Variants in ADD2 observed in about 807,000 individuals in gnomAD.
The protein encoded by ADD2 is adducin 2.
ADD2 carries 23 observed loss-of-function variants against 83.0 expected under a neutral mutation model. The observed-to-expected ratio is 0.28, with a 90% CI of 0.20 to 0.39. The LOEUF is 0.39. Among genes scored for constraint, ADD2 ranks in the 10% least tolerant of loss-of-function variants. The pLI is 1.00. For synonymous variants in ADD2, 375 were observed against 375.4 expected (o/e 1.00, Z 0.01); for missense variants, 758 against 944.9 (o/e 0.80, Z 2.59).
At chr2:70,679,729 C>T (rs145107951) in intron 10 of ADD2, among the ~76,000 whole-genome samples, 297 of 152,090 alleles carry the variant, frequency 2.0e-3, no homozygotes, top group African/African-American at 6.8e-3. Context: ...GAATTTTATG[C>T]AAACTCTCAC....
intron 9 of ADD2, among the ~76,000 whole-genome samples, chr2:70,684,460 G>T (rs1553370192): frequency 6.6e-6 from 1 of 152,130 alleles, no homozygotes; most frequent in Admixed American, 6.5e-5. Context: ...TGTTGGCCAG[G>T]CTGGTCTCGA....
intron 1 of ADD2, among the ~76,000 whole-genome samples, chr2:70,761,011 CAT>C (rs1553384773): frequency 6.6e-6 from 1 of 152,046 alleles, no homozygotes; most frequent in Non-Finnish European, 1.5e-5. Context: ...GAAACAGCAA[CAT>C]AAAGAAGTTC....
chr2:70,746,613 C>A (rs1487715390), intron 1 of ADD2, among the ~76,000 whole-genome samples: 1 of 152,354 alleles, frequency 6.6e-6, no homozygotes, highest in Admixed American at 6.5e-5. Context: ...GACTCTACCA[C>A]TTCCCCAATA....
chr2:70,733,735 A>G (rs539084804), intron 1 of ADD2, among the ~76,000 whole-genome samples: 93 of 152,350 alleles, frequency 6.1e-4, no homozygotes, highest in African/African-American at 2.2e-3. Context: ...GGAAGATTCT[A>G]TATCTGGATT....
chr2:70,728,829 C>A (rs75285246), intron 1 of ADD2, among the ~76,000 whole-genome samples: 2,742 of 152,312 alleles, frequency 0.018, 78 homozygotes, highest in African/African-American at 0.062. Flanking sequence ...TCCTTGAGGG[C>A]TTGCCTTGTC....
intron 15 of ADD2, 42 bp downstream of exon 15, chr2:70,672,836 G>T (rs1217195145): frequency 3.8e-6 from 6 of 1,568,636 alleles, no homozygotes; most frequent in Non-Finnish European, 5.2e-6. Context: ...GCCTGCAGAT[G>T]CACCCCTCTC....
chr2:70,703,000 C>T (rs1253997916), intron 4 of ADD2, among the ~76,000 whole-genome samples: 1 of 151,982 alleles, frequency 6.6e-6, no homozygotes, highest in Non-Finnish European at 1.5e-5. Flanking sequence ...GTGGTGCGTG[C>T]CCGTGGTCCC....
intron 15 of ADD2, 45 bp downstream of exon 15, chr2:70,672,833 G>T: frequency 1.9e-6 from 3 of 1,566,958 alleles, no homozygotes; most frequent in Non-Finnish European, 8.6e-7. Flanking sequence ...CCAGCCTGCA[G>T]ATGCACCCCT....
Position 70,672,911 on chromosome 2 carries a change from T to A in ADD2, c.1837A>T (p.Ser613Cys). The stretch of plus-strand genomic sequence containing the variant: ...GACTTGGAAGGAGAGACTAAAGGGC[T>A]CTTTGTCTCTGCCTCCTTCGCTGGG... ...QSPAKEAETKSPLVSPSKSLE... is the reference protein window; with the variant it reads ...QSPAKEAETKCPLVSPSKSLE... The change falls in exon 15 of 16, where the codon AGC becomes TGC. Residue 613 changes from serine to cysteine, a missense_variant. Physicochemically the swap from Ser to Cys is moderately radical, Grantham distance 112. Coordinates refer to ENST00000264436, the MANE Select transcript of ADD2 (RefSeq NM_001617.4). 6.2e-7 allele frequency: 1 copy of A among 1,613,408 alleles called. No individual in the cohort carries two copies. Among genetic ancestry groups the A allele is most frequent in the Non-Finnish European group, 8.5e-7 (1 of 1,179,804 alleles).
In ADD2 at chr2:70,672,901, A is replaced by T; in HGVS notation, c.1847T>A (p.Val616Asp). The change falls in exon 15 of 16, where the codon GTC becomes GAC. Residue 616 changes from valine (V) to aspartate (D), a missense_variant. Val to Asp is a radical substitution (Grantham distance 152). This residue lies in a region of ADD2 where 165 missense variants were observed against 176.2 expected (regional missense o/e 0.94). Coordinates refer to ENST00000264436, the MANE Select transcript of ADD2 (RefSeq NM_001617.4). ...AKEAETKSPL[V>D]SPSKSLEEGT... ...ACCCTCTAAAGACTTGGAAGGAGAG[A>T]CTAAAGGGCTCTTTGTCTCTGCCTC... is the stretch of plus-strand genomic sequence containing the variant. The T allele has an allele frequency of 1.2e-6, 2 of 1,613,100 alleles. No individual in the cohort carries two copies. The highest frequency in any genetic ancestry group is 1.7e-6 in the Non-Finnish European group (2 of 1,179,706).
chr2:70,667,174 G>A (rs143186983), intron 15 of ADD2, among the ~76,000 whole-genome samples: 1 of 152,204 alleles, frequency 6.6e-6, no homozygotes, highest in East Asian at 1.9e-4. Flanking sequence ...CTGAATGGTG[G>A]GAACCTGGAG....
At position 70,704,311 on chromosome 2, in the gene ADD2, C is replaced by A. The variant is rs782326602; in HGVS notation, c.322+10G>T. ...CCTCTGCTCCTGGCAGCTCCCCAGA[C>A]ACCACATACTCATGGAAGATGTCGG... is the stretch of plus-strand genomic sequence containing the variant. On this transcript the variant is annotated intron_variant, in intron 4 of 15. Coordinates refer to ENST00000264436, the MANE Select transcript of ADD2 (RefSeq NM_001617.4). 2.4e-5 allele frequency: 37 copies of A among 1,565,944 alleles called. No homozygotes were observed. The highest frequency in any genetic ancestry group is 3.2e-5 in the Non-Finnish European group (37 of 1,150,610).
At chr2:70,686,294 A>G (rs1553370521) in intron 9 of ADD2, among the ~76,000 whole-genome samples, 3 of 151,946 alleles carry the variant, frequency 2.0e-5, no homozygotes, top group African/African-American at 2.4e-5. Flanking sequence ...AGCTGGGGGA[A>G]AAAAAGGTCA....
At position 70,663,500 on chromosome 2, in the gene ADD2, G is replaced by C. The variant is rs988328779; in HGVS notation, c.2106C>G (p.Pro702=). 2 of 1,614,084 alleles carry C rather than the reference G, an allele frequency of 1.2e-6. No individual in the cohort carries two copies. Among genetic ancestry groups the C allele is most frequent in the African/African-American group, 2.7e-5 (2 of 75,008 alleles). Residue 702 remains proline, a synonymous_variant, in exon 16 of 16, where the codon CCC becomes CCG. Transcript: ENST00000264436. ...MSPEGSPSKS[P]SKKKKKFRTP... ...TTCGGAATTTCTTTTTCTTCTTTGA[G>C]GGAGACTTGGAAGGTGAGCCCTCTG...
intron 1 of ADD2, chr2:70,760,820 G>C (rs1675043615): frequency 6.6e-6 from 1 of 152,104 alleles, no homozygotes; most frequent in Non-Finnish European, 1.5e-5. Context: ...TTTAAATAAA[G>C]TAGTCATTAC....
rs1471516021 is a variant in ADD2, at chr2:70,706,491, G to A, written c.-34-49C>T. On this transcript the variant is annotated intron_variant, in intron 2 of 15. Transcript: ENST00000264436. This position sits in a 1 kb window ranked among gnomAD's most constrained non-coding sequence, Gnocchi z 5.0. Reference sequence around the variant, plus strand: ...GCGGTCAGGTTGGTGCTCCCCATCGGGGTACACGTTTCTCAGAGCACAGGG... The same window carrying A: ...GCGGTCAGGTTGGTGCTCCCCATCGAGGTACACGTTTCTCAGAGCACAGGG... The A allele has an allele frequency of 8.7e-6, 13 of 1,489,352 alleles. No homozygotes were observed. The highest frequency in any genetic ancestry group is 1.2e-5 in the Non-Finnish European group (13 of 1,110,088). The allele number at this position is 1,489,352 out of a possible 1,614,324, so 92.3% of individuals were successfully genotyped here. A position where few individuals can be genotyped will look rare whatever the true frequency, so the allele number is the denominator to read the frequency against.
At chr2:70,710,312 C>T (rs1672113805) in intron 2 of ADD2, among the ~76,000 whole-genome samples, 1 of 152,258 alleles carries the variant, frequency 6.6e-6, no homozygotes, top group African/African-American at 2.4e-5. Context: ...ACCCTCTCCC[C>T]TTCCCCATGG....
intron 1 of ADD2, among the ~76,000 whole-genome samples, chr2:70,720,096 T>C: frequency 6.6e-6 from 1 of 151,332 alleles, no homozygotes; most frequent in East Asian, 1.9e-4. Context: ...TTTTGTGGGG[T>C]TTTTTTTACT....
At chr2:70,704,263 T>TTGGC in intron 4 of ADD2, 58 bp downstream of exon 4, 89 of 913,214 alleles carry the variant, frequency 9.7e-5, no homozygotes, top group East Asian at 2.1e-4. Context: ...CTCCCTCTCT[T>TTGGC]CCCCACCCCA....
Sources: gnomAD v4.1 joint callset for allele counts (sites outside exome capture counted in the v4.1 genomes callset) on GRCh38, gnomAD v4.1.1 for gene constraint, gnomAD v4.1.1 regional missense constraint, Gnocchi (gnomAD v3.1) non-coding constraint, MANE v1.5 for transcripts, NCBI Gene and HGNC (gene_info 2026-07-23, HGNC 2026-07-21) for gene names.